The following PPARGC1A variants were observed in gnomAD, a reference collection of about 807,000 sequenced individuals.
PPARGC1A encodes PPARG coactivator 1 alpha.
In PPARGC1A, 25 loss-of-function variants were observed where a neutral mutation model predicts 88.7. That is an observed-to-expected ratio of 0.28 (90% CI 0.21 to 0.39). PPARGC1A has a LOEUF of 0.39. Ranked by LOEUF, PPARGC1A falls within the 10% of genes least tolerant of loss-of-function variation. The pLI, the probability that PPARGC1A is intolerant of heterozygous loss-of-function variation, is 1.00. For missense variants in PPARGC1A, 880 were observed against 968.7 expected (o/e 0.91, Z 1.22); for synonymous variants, 363 against 355.6 (o/e 1.02, Z -0.24).
At chr4:23,966,193 A>G in the PPARGC1A span, among the ~76,000 whole-genome samples, 1 of 152,186 alleles carries the variant, frequency 6.6e-6, no homozygotes, top group Non-Finnish European at 1.5e-5. Flanking sequence ...TTGCAGCAAC[A>G]TAGAGTCTAG....
chr4:24,271,074 T>C, the PPARGC1A span, among the ~76,000 whole-genome samples: 3 of 152,196 alleles, frequency 2.0e-5, no homozygotes, highest in Admixed American at 2.0e-4. Flanking sequence ...TTGGTAATTA[T>C]GGTAGTAAAC....
chr4:24,184,471 G>C, the PPARGC1A span, among the ~76,000 whole-genome samples: 1 of 152,162 alleles, frequency 6.6e-6, no homozygotes, highest in East Asian at 1.9e-4. Context: ...GGTATTGTGG[G>C]AGGTGCCTTA....
chr4:24,265,464 C>G, the PPARGC1A span, among the ~76,000 whole-genome samples: 8 of 152,256 alleles, frequency 5.3e-5, no homozygotes, highest in East Asian at 1.5e-3. Flanking sequence ...TCTTGAAAGC[C>G]AAATCCTCTT....
chr4:23,899,440 G>A (rs1021517918), upstream of PPARGC1A: 2 of 152,062 alleles, frequency 1.3e-5, no homozygotes, highest in Admixed American at 6.5e-5. Context: ...GTTTTAGCCC[G>A]AATCACACAA....
rs1464066450 is a variant in PPARGC1A at position 23,858,671 on chromosome 4, G to A, written c.234+26081C>T. Among the ~76,000 whole-genome samples the A allele has an allele frequency of 2.6e-5, 4 of 152,210 alleles. 1 individual carries two copies. The highest frequency in any genetic ancestry group is 1.3e-4 in the Admixed American group (2 of 15,282). ...AAAGTCCTGGAAAATGCCACATAGA[G>A]ATGATATGTGAATATTGGAAGTCTG... is the stretch of plus-strand genomic sequence containing the variant. On this transcript the variant is annotated intron_variant, in intron 2 of 12. Transcript: ENST00000264867.
chr4:24,296,467 TA>T, the PPARGC1A span, among the ~76,000 whole-genome samples: 1 of 152,126 alleles, frequency 6.6e-6, no homozygotes, highest in Non-Finnish European at 1.5e-5. Context: ...GACAAAGAGT[TA>T]AGTCCTGTTG....
At chr4:24,212,977 A>G in the PPARGC1A span, among the ~76,000 whole-genome samples, 1 of 152,114 alleles carries the variant, frequency 6.6e-6, no homozygotes, top group East Asian at 1.9e-4. Flanking sequence ...ACAGCACCTG[A>G]AGGTAGGCCT....
At chr4:23,855,800 C>G (rs1730095650) in intron 2 of PPARGC1A, among the ~76,000 whole-genome samples, 2 of 151,888 alleles carry the variant, frequency 1.3e-5, no homozygotes, top group Admixed American at 1.3e-4. Flanking sequence ...TGGTAGGGTG[C>G]CAGGTGTTGG....
chr4:24,148,343 G>T, the PPARGC1A span, among the ~76,000 whole-genome samples: 1 of 152,038 alleles, frequency 6.6e-6, no homozygotes, highest in African/African-American at 2.4e-5. Context: ...TTCCTTCATG[G>T]TCCTGCTCTA....
At position 23,814,368 on chromosome 4, in the gene PPARGC1A, T is replaced by C. The variant is rs1721530553; in HGVS notation, c.1115A>G (p.Lys372Arg). The C allele has an allele frequency of 6.2e-7, 1 of 1,613,902 alleles. No individual in the cohort carries two copies. Among genetic ancestry groups the C allele is most frequent in the Non-Finnish European group, 8.5e-7 (1 of 1,179,998 alleles). Residue 372 changes from lysine (K) to arginine (R), a missense_variant, in exon 8 of 13, where the codon AAG (lysine) becomes AGG (arginine). Physicochemically the swap from Lys to Arg is conservative, Grantham distance 26 (BLOSUM62 2). Coordinates refer to ENST00000264867, the MANE Select transcript of PPARGC1A (RefSeq NM_013261.5). ...CAGCCGCAGACTGGGCCGCTTGGTC[T>C]TCCTTTCCTCGTGTCCACCAGTGAG... ...SVLTGGHEER[K>R]TKRPSLRLFG...
the PPARGC1A span, among the ~76,000 whole-genome samples, chr4:24,220,008 A>G: frequency 1.3e-5 from 2 of 152,222 alleles, no homozygotes; most frequent in East Asian, 1.9e-4. Context: ...ATAATCTATA[A>G]GGAACTTAAA....
the PPARGC1A span, among the ~76,000 whole-genome samples, chr4:24,065,782 G>C: frequency 6.6e-6 from 1 of 152,126 alleles, no homozygotes. Context: ...GGCTTGGGGA[G>C]GTTATGAAGC....
chr4:23,938,936 G>T, the PPARGC1A span, among the ~76,000 whole-genome samples: 1 of 152,126 alleles, frequency 6.6e-6, no homozygotes, highest in African/African-American at 2.4e-5. Context: ...CCCAGTGGAT[G>T]CTCCCTTGGT....
the PPARGC1A span, among the ~76,000 whole-genome samples, chr4:24,279,259 T>A: frequency 6.6e-6 from 1 of 152,154 alleles, no homozygotes; most frequent in Non-Finnish European, 1.5e-5. Context: ...AAATATGTGG[T>A]GCAGATAAAT....
the PPARGC1A span, among the ~76,000 whole-genome samples, chr4:24,433,047 C>T: frequency 1.6e-4 from 25 of 152,128 alleles, no homozygotes; most frequent in African/African-American, 5.8e-4. Flanking sequence ...GAACTTCTGC[C>T]GACTCTAATG....
At chr4:23,983,990 T>G in the PPARGC1A span, among the ~76,000 whole-genome samples, 1 of 152,120 alleles carries the variant, frequency 6.6e-6, no homozygotes, top group African/African-American at 2.4e-5. Flanking sequence ...TAATAACATC[T>G]TATCACCCAT....
At chr4:23,996,592 A>G in the PPARGC1A span, among the ~76,000 whole-genome samples, 866 of 151,582 alleles carry the variant, frequency 5.7e-3, 5 homozygotes, top group Non-Finnish European at 9.1e-3. Flanking sequence ...TCCCAACCCC[A>G]CTCTGTTTCT....
the PPARGC1A span, among the ~76,000 whole-genome samples, chr4:24,216,204 A>G: frequency 7.0e-6 from 1 of 142,030 alleles, no homozygotes; most frequent in African/African-American, 2.6e-5. Context: ...CCGGAGTGCA[A>G]TAGTGTCATC....
the PPARGC1A span, among the ~76,000 whole-genome samples, chr4:24,374,573 A>AG: frequency 6.6e-6 from 1 of 151,898 alleles, no homozygotes; most frequent in African/African-American, 2.4e-5. Context: ...TAAAAAAAAA[A>AG]GGGCCAAGGA....
Sources: gnomAD v4.1 joint callset for allele counts (sites outside exome capture counted in the v4.1 genomes callset) on GRCh38, gnomAD v4.1.1 for gene constraint, MANE v1.5 for transcripts, NCBI Gene and HGNC (gene_info 2026-07-23, HGNC 2026-07-21) for gene names.